The following CCPG1 variants were observed in gnomAD, a reference collection of about 807,000 sequenced individuals.
CCPG1 encodes cell cycle progression protein 1.
In CCPG1, 46 loss-of-function variants were observed where a neutral mutation model predicts 81.3. That is an observed-to-expected ratio of 0.57 (90% CI 0.45 to 0.72). The LOEUF is 0.72. Ranked by LOEUF, CCPG1 falls within the 30% of genes least tolerant of loss-of-function variation. CCPG1 has a pLI of 0.00. For missense variants in CCPG1, 902 were observed against 937.6 expected, an observed-to-expected ratio of 0.96 and a Z score of 0.50; for synonymous variants, 330 against 305.2, an observed-to-expected ratio of 1.08 and a Z score of -0.85.
In CCPG1 at chr15:55,392,649, T is replaced by C. The variant is rs1468232827; in HGVS notation, c.-9-3216A>G. On this transcript the variant is annotated intron_variant, in intron 1 of 8. Transcript: ENST00000442196. Reference sequence around the variant, plus strand: ...TACCCTCCCACCTCAGCCTCCTGAGTAGCTGGAACTACAGGTGTGCGCCAC... The same window carrying C: ...TACCCTCCCACCTCAGCCTCCTGAGCAGCTGGAACTACAGGTGTGCGCCAC... Among the ~76,000 whole-genome samples the C allele has an allele frequency of 2.0e-5, 3 of 151,982 alleles. No homozygotes were observed. The East Asian group carries it at 5.8e-4, about 29-fold the overall frequency.
At chr15:55,400,519 A>G (rs1301003858) in intron 1 of CCPG1, among the ~76,000 whole-genome samples, 1 of 152,118 alleles carries the variant, frequency 6.6e-6, no homozygotes, top group Non-Finnish European at 1.5e-5. Flanking sequence ...AAAATAAATT[A>G]AAAAGGCCAG....
Position 55,369,475 on chromosome 15 carries a change from C to T in CCPG1, c.706+2318G>A, listed in dbSNP as rs748303490. ...GCTTGAACCCGGGAGGCGAAGGTTG[C>T]GGTGAGCCGAGATCACGCACTGCAC... On this transcript the variant is annotated intron_variant, in intron 6 of 8. Transcript: ENST00000442196. Among the ~76,000 whole-genome samples, 28 of 151,062 alleles carry T rather than the reference C, an allele frequency of 1.9e-4. 1 individual carries two copies. Among genetic ancestry groups the T allele is most frequent in the African/African-American group, 5.6e-4 (23 of 41,128 alleles).
intron 3 of CCPG1, among the ~76,000 whole-genome samples, chr15:55,382,571 G>A (rs1318462325): frequency 4.0e-5 from 6 of 149,548 alleles, no homozygotes; most frequent in East Asian, 4.0e-4. Context: ...GTGCAGTGGC[G>A]CGATCTTGGC....
intron 5 of CCPG1, chr15:55,372,346 T>C (rs2056467946): frequency 3.0e-6 from 1 of 329,350 alleles, no homozygotes; most frequent in Non-Finnish European, 5.7e-6. Context: ...CTTAGAACAA[T>C]CCTTCATTCG....
intron 3 of CCPG1, among the ~76,000 whole-genome samples, chr15:55,379,324 A>C (rs2141286790): frequency 6.6e-6 from 1 of 152,092 alleles, no homozygotes; most frequent in East Asian, 1.9e-4. Context: ...CAAGTTCAAG[A>C]CCAGCCTGGG....
In CCPG1 at chr15:55,355,778, A is replaced by C. The variant is rs1474406729; in HGVS notation, c.*442T>G. Reference sequence around the variant, plus strand: ...AGAGGGCTCTTGAACCCACAAAAAGACAAGAAGTGAGTGTAAGATTATAAA... The same window carrying C: ...AGAGGGCTCTTGAACCCACAAAAAGCCAAGAAGTGAGTGTAAGATTATAAA... On this transcript the variant is annotated 3_prime_UTR_variant, in exon 9 of 9. Coordinates refer to ENST00000442196, the MANE Select transcript of CCPG1 (RefSeq NM_001204450.2). 2 of 224,624 alleles carry C rather than the reference A, an allele frequency of 8.9e-6. No homozygotes were observed. Among genetic ancestry groups the C allele is most frequent in the Admixed American group, 1.1e-4 (2 of 18,124 alleles). The allele number at this position is 224,624 out of a possible 1,614,324, so 13.9% of individuals were successfully genotyped here.
chr15:55,375,108 CTT>C (rs2056536366), intron 5 of CCPG1, among the ~76,000 whole-genome samples: 1 of 152,310 alleles, frequency 6.6e-6, no homozygotes, highest in East Asian at 1.9e-4. Context: ...AAATATTCCT[CTT>C]AGTCCACAAA....
At chr15:55,365,410 CTTTTTTTTG>C (rs1380270143) in intron 6 of CCPG1, 101 bp from the exon 7 acceptor site, 2 of 547,278 alleles carry the variant, frequency 3.7e-6, no homozygotes, top group African/African-American at 4.4e-5. Context: ...GCTATGTAGT[CTTTTTTTTG>C]TTTTTTTTTT....
chr15:55,393,704 G>T (rs895041221), intron 1 of CCPG1, among the ~76,000 whole-genome samples: 1 of 152,112 alleles, frequency 6.6e-6, no homozygotes, highest in African/African-American at 2.4e-5. Flanking sequence ...AACACGGCTT[G>T]CTGAGATGGG....
intron 1 of CCPG1, among the ~76,000 whole-genome samples, chr15:55,399,366 T>C (rs1056302199): frequency 2.7e-5 from 4 of 148,752 alleles, no homozygotes; most frequent in Middle Eastern, 3.6e-3. Context: ...TCGGGTACAG[T>C]TCCAGATTAG....
At chr15:55,357,091 A>T in intron 8 of CCPG1, 1 of 982,084 alleles carries the variant, frequency 1.0e-6, no homozygotes, top group Non-Finnish European at 1.2e-6. Context: ...ATAAATATAC[A>T]GTCTCGGCAA....
chr15:55,388,105 T>C (rs906301934), intron 2 of CCPG1, among the ~76,000 whole-genome samples: 2 of 151,782 alleles, frequency 1.3e-5, no homozygotes, highest in Non-Finnish European at 2.9e-5. Context: ...GAGCCGAGAT[T>C]GCGTCACTGT....
chr15:55,407,037 A>ACCTC (rs1555411230), intron 1 of CCPG1, among the ~76,000 whole-genome samples: 1 of 112,692 alleles, frequency 8.9e-6, no homozygotes, highest in African/African-American at 4.6e-5. Context: ...ACACGTTGAG[A>ACCTC]CCCCCCCCCC....
At chr15:55,390,945 TA>T (rs2056902234) in intron 1 of CCPG1, among the ~76,000 whole-genome samples, 1 of 152,214 alleles carries the variant, frequency 6.6e-6, no homozygotes, top group Non-Finnish European at 1.5e-5. Flanking sequence ...CCAGGCAGTT[TA>T]TAACTCTACA....
chr15:55,377,004 G>A lies in CCPG1; in HGVS notation c.399C>T (p.Asp133=), dbSNP rs1322531719. 1.5e-5 allele frequency: 24 copies of A among 1,613,850 alleles called. No individual in the cohort carries two copies. The highest frequency in any genetic ancestry group is 2.0e-5 in the Non-Finnish European group (24 of 1,179,976). The change falls in exon 5 of 9, where the codon GAC becomes GAT. Residue 133 remains aspartate (D), a synonymous_variant. Coordinates refer to ENST00000442196, the MANE Select transcript of CCPG1 (RefSeq NM_001204450.2). ...TGCTAGAGGAAGAGCCCATGTTAAA[G>A]TCTTCTGAACTCTGTGCTTCTTCAA... ...VIVEEAQSSE[D]FNMGSSSSSQ...
intron 1 of CCPG1, among the ~76,000 whole-genome samples, chr15:55,394,256 G>A (rs1244172607): frequency 6.6e-6 from 1 of 152,156 alleles, no homozygotes; most frequent in South Asian, 2.1e-4. Context: ...AAAGTGCTGG[G>A]ATTACAGGTG....
chr15:55,396,436 A>G (rs771218806), intron 1 of CCPG1, among the ~76,000 whole-genome samples: 2 of 152,216 alleles, frequency 1.3e-5, no homozygotes, highest in Non-Finnish European at 2.9e-5. Flanking sequence ...CTCTAGTCAT[A>G]TATTTCCAAT....
At chr15:55,385,435 G>A (rs2056779732) in intron 3 of CCPG1, among the ~76,000 whole-genome samples, 165 bp downstream of exon 3, 2 of 152,110 alleles carry the variant, frequency 1.3e-5, no homozygotes, top group South Asian at 4.1e-4. Flanking sequence ...CCAGAATGCT[G>A]GGATTACAGG....
intron 2 of CCPG1, among the ~76,000 whole-genome samples, chr15:55,386,481 A>G (rs1336157434): frequency 1.3e-5 from 2 of 152,218 alleles, no homozygotes; most frequent in African/African-American, 2.4e-5. Flanking sequence ...AACAAAGTTA[A>G]CCACTAAGGT....
Sources: gnomAD v4.1 joint callset for allele counts (sites outside exome capture counted in the v4.1 genomes callset) on GRCh38, gnomAD v4.1.1 for gene constraint, MANE v1.5 for transcripts, NCBI Gene and HGNC (gene_info 2026-07-23, HGNC 2026-07-21) for gene names.